Variants in STARD9 observed in about 807,000 individuals in gnomAD.
The protein encoded by STARD9 is stAR-related lipid transfer protein 9.
Under a neutral mutation model 399.8 loss-of-function variants are expected in STARD9, and 346 were observed. The observed-to-expected ratio is 0.87, with a 90% CI of 0.79 to 0.95. STARD9 has a LOEUF of 0.95. Ranked by LOEUF, STARD9 falls within the 40% of genes least tolerant of loss-of-function variation. The probability of loss-of-function intolerance (pLI) is 0.00; values close to 1 mark genes in which losing one functional copy is unlikely to be tolerated. For synonymous variants in STARD9, 2,203 were observed against 2,143.5 expected, an observed-to-expected ratio of 1.03 and a Z score of -0.77; for missense variants, 5,832 against 5,667.5, an observed-to-expected ratio of 1.03 and a Z score of -0.93.
intron 9 of STARD9, among the ~76,000 whole-genome samples, chr15:42,657,027 A>G (rs1213937083): frequency 2.0e-5 from 3 of 152,116 alleles, no homozygotes; most frequent in Non-Finnish European, 2.9e-5. Flanking sequence ...AAGTAAGCAT[A>G]AGAGAGCTGG....
chr15:42,671,452 C>T (rs1423312759), intron 16 of STARD9: 1 of 152,136 alleles, frequency 6.6e-6, no homozygotes, highest in Non-Finnish European at 1.5e-5. Flanking sequence ...AAGTCCTGCT[C>T]CTGTACCCTT....
chr15:42,651,726 T>G (rs1300909850), intron 8 of STARD9, among the ~76,000 whole-genome samples: 4 of 152,114 alleles, frequency 2.6e-5, no homozygotes, highest in African/African-American at 9.7e-5. Flanking sequence ...AGGAAGAAAT[T>G]TAAATTTAAC....
intron 3 of STARD9, among the ~76,000 whole-genome samples, chr15:42,619,931 G>A (rs1007939935): frequency 7.9e-5 from 12 of 152,178 alleles, no homozygotes; most frequent in African/African-American, 2.4e-4. Context: ...TTGAATAAAC[G>A]AGAGGCCTTT....
intron 1 of STARD9, among the ~76,000 whole-genome samples, chr15:42,577,185 G>A (rs920477989): frequency 6.6e-6 from 1 of 151,004 alleles, no homozygotes; most frequent in East Asian, 1.9e-4. Flanking sequence ...ATGGAGTCTC[G>A]CTCTGTCGCC....
intron 26 of STARD9, among the ~76,000 whole-genome samples, chr15:42,713,033 T>C (rs887561307): frequency 2.0e-5 from 3 of 152,198 alleles, no homozygotes; most frequent in Non-Finnish European, 4.4e-5. Context: ...GTAGATCAAT[T>C]GGGGGAGCAT....
At chr15:42,636,218 C>T (rs2059415667) in intron 4 of STARD9, among the ~76,000 whole-genome samples, 1 of 152,082 alleles carries the variant, frequency 6.6e-6, no homozygotes, top group Non-Finnish European at 1.5e-5. Context: ...ATGGCTTCAG[C>T]CTGGGAGGTT....
chr15:42,620,472 C>A (rs575033805), intron 3 of STARD9, among the ~76,000 whole-genome samples: 1 of 151,414 alleles, frequency 6.6e-6, no homozygotes, highest in South Asian at 2.1e-4. Flanking sequence ...CAGAGTGAGA[C>A]CTGTCTCAAA....
chr15:42,648,178 T>A (rs2059683622), intron 7 of STARD9, among the ~76,000 whole-genome samples: 1 of 152,214 alleles, frequency 6.6e-6, no homozygotes, highest in African/African-American at 2.4e-5. Context: ...TGTTTGTTTG[T>A]TTGAGATGGA....
At chr15:42,640,020 C>A (rs564058798) in intron 7 of STARD9, among the ~76,000 whole-genome samples, 1 of 152,290 alleles carries the variant, frequency 6.6e-6, no homozygotes, top group South Asian at 2.1e-4. Context: ...CTCCTGGGCT[C>A]AAGTGATCCT....
At chr15:42,607,863 C>T (rs1042305961) in intron 3 of STARD9, among the ~76,000 whole-genome samples, 1 of 152,000 alleles carries the variant, frequency 6.6e-6, no homozygotes, top group African/African-American at 2.4e-5. Context: ...TTTGTCAGCT[C>T]CGTTAGGATT....
In STARD9 at chr15:42,688,494, A is replaced by T; in HGVS notation, c.6916A>T (p.Thr2306Ser). 1 of 1,537,896 alleles carries T rather than the reference A, an allele frequency of 6.5e-7. No homozygotes were observed. Among genetic ancestry groups the T allele is most frequent in the East Asian group, 2.4e-5 (1 of 40,924 alleles). The change falls in exon 23 of 33, where the codon ACG becomes TCG. Residue 2306 changes from threonine (T) to serine (S), a missense_variant. Around this residue, in one of 2 missense-constraint regions of STARD9, gnomAD observed 5,828 missense variants for 5,651.1 expected, o/e 1.03. Transcript: ENST00000290607. Reference sequence around the variant, plus strand: ...TAGTCTCAGCCAGCTTTGTAGGGACACGTTTTTCAGGCAGGAAACTGTCAG... The same window carrying T: ...TAGTCTCAGCCAGCTTTGTAGGGACTCGTTTTTCAGGCAGGAAACTGTCAG... ...FPSLSQLCRD[T>S]FFRQETVSPL... is the part of the protein sequence containing the mutation.
chr15:42,698,567 C>T (rs1216235478), intron 26 of STARD9, among the ~76,000 whole-genome samples: 5 of 152,084 alleles, frequency 3.3e-5, no homozygotes, highest in Non-Finnish European at 5.9e-5. Context: ...TTGACTGATA[C>T]GAACTAGAAA....
At chr15:42,665,378 C>A in intron 14 of STARD9, 48 bp downstream of exon 14, 1 of 1,452,890 alleles carries the variant, frequency 6.9e-7, no homozygotes, top group Non-Finnish European at 9.3e-7. Context: ...AATTCTCCTT[C>A]TGAGCCTCTT....
chr15:42,638,072 G>A lies in STARD9; in HGVS notation c.431G>A (p.Cys144Tyr), dbSNP rs951860052. Residue 144 changes from cysteine to tyrosine, a missense_variant, in exon 6 of 33, where the codon TGT (cysteine) becomes TAT (tyrosine). Cys to Tyr is a radical substitution (Grantham distance 194). Coordinates refer to ENST00000290607, the MANE Select transcript of STARD9 (RefSeq NM_020759.3). ...GACTGTGCCTCACTGCCTTCCTCCT[G>A]TAGGATAAAAGTAAGGTAAGAACCT... ...EKDCASLPSS[C>Y]RIKVSFLEIY... is the part of the protein sequence containing the mutation. 2.6e-6 allele frequency: 4 copies of A among 1,537,020 alleles called. No individual in the cohort carries two copies. The highest frequency in any genetic ancestry group is 3.5e-6 in the Non-Finnish European group (4 of 1,146,940).
chr15:42,593,984 A>T (rs2058455144), intron 3 of STARD9, among the ~76,000 whole-genome samples: 1 of 152,060 alleles, frequency 6.6e-6, no homozygotes, highest in Non-Finnish European at 1.5e-5. Context: ...TGTTGTTTTA[A>T]TATTTATTTG....
chr15:42,652,289 G>T (rs771536493), intron 8 of STARD9, among the ~76,000 whole-genome samples: 2 of 151,876 alleles, frequency 1.3e-5, no homozygotes, highest in African/African-American at 2.4e-5. Context: ...AAAAGTTTCA[G>T]TGTAGTTTAG....
chr15:42,656,056 A>G (rs1200863185), intron 9 of STARD9, among the ~76,000 whole-genome samples: 2 of 152,254 alleles, frequency 1.3e-5, no homozygotes, highest in Admixed American at 1.3e-4. Flanking sequence ...AATGGCCATA[A>G]TAAAAAAATC....
Position 42,686,120 on chromosome 15 carries a change from G to C in STARD9, c.4542G>C (p.Glu1514Asp), listed in dbSNP as rs1358209225. The C allele has an allele frequency of 6.5e-7, 1 of 1,537,274 alleles. No individual in the cohort carries two copies. Among genetic ancestry groups the C allele is most frequent in the African/African-American group, 1.4e-5 (1 of 73,158 alleles). The part of the protein sequence containing the change: ...GAPKPAYPYL[E>D]EDSGSLAQAS... The stretch of plus-strand genomic sequence containing the variant: ...CCAAGCCAGCTTACCCCTACCTTGA[G>C]GAAGACTCTGGTTCCCTGGCCCAAG... The change falls in exon 23 of 33, where the codon GAG (glutamate) becomes GAC (aspartate). Residue 1514 changes from glutamate (E) to aspartate (D), a missense_variant. Glu to Asp is a conservative substitution (Grantham distance 45). This residue lies in a region of STARD9 where 5,828 missense variants were observed against 5,651.1 expected (regional missense o/e 1.03). Coordinates refer to ENST00000290607, the MANE Select transcript of STARD9 (RefSeq NM_020759.3).
intron 4 of STARD9, 89 bp from the exon 5 acceptor site, chr15:42,637,818 C>T: frequency 7.4e-7 from 1 of 1,350,394 alleles, no homozygotes; most frequent in South Asian, 1.2e-5. Flanking sequence ...TGCACTCATC[C>T]CCCATGCTGA....
Sources: gnomAD v4.1 joint callset for allele counts (sites outside exome capture counted in the v4.1 genomes callset) on GRCh38, gnomAD v4.1.1 for gene constraint, gnomAD v4.1.1 regional missense constraint, MANE v1.5 for transcripts, NCBI Gene and HGNC (gene_info 2026-07-23, HGNC 2026-07-21) for gene names.